The following CACNA2D1 variants were observed in gnomAD, a reference collection of about 807,000 sequenced individuals.
The protein encoded by CACNA2D1 is calcium voltage-gated channel auxiliary subunit alpha2delta 1.
Under a neutral mutation model 171.5 loss-of-function variants are expected in CACNA2D1, and 53 were observed. The observed-to-expected ratio is 0.31, with a 90% CI of 0.25 to 0.39. CACNA2D1 has a LOEUF of 0.39. CACNA2D1 is among the 10% of genes least tolerant of loss of function. The probability of loss-of-function intolerance (pLI) is 1.00; values close to 1 mark genes in which losing one functional copy is unlikely to be tolerated. For synonymous variants in CACNA2D1, 442 were observed against 443.1 expected, an observed-to-expected ratio of 1.00 and a Z score of 0.03; for missense variants, 903 against 1,299.8, an observed-to-expected ratio of 0.69 and a Z score of 4.69.
intron 7 of CACNA2D1, among the ~76,000 whole-genome samples, chr7:82,070,488 T>TC (rs1462736857): frequency 6.6e-6 from 1 of 152,198 alleles, no homozygotes; most frequent in Non-Finnish European, 1.5e-5. Context: ...TAGATTCTGC[T>TC]CCAGGCAGTT....
intron 1 of CACNA2D1, among the ~76,000 whole-genome samples, chr7:82,429,853 A>G (rs1829523744): frequency 6.6e-6 from 1 of 152,170 alleles, no homozygotes; most frequent in African/African-American, 2.4e-5. Flanking sequence ...CTACACTTAT[A>G]TCGACAGGAA....
chr7:82,120,209 G>A (rs1348042549), intron 5 of CACNA2D1, among the ~76,000 whole-genome samples: 1 of 152,088 alleles, frequency 6.6e-6, no homozygotes, highest in South Asian at 2.1e-4. Context: ...GTGTGTGTGT[G>A]CATGTGTGTA....
chr7:82,414,866 A>T (rs2129455888), intron 1 of CACNA2D1, among the ~76,000 whole-genome samples: 1 of 152,344 alleles, frequency 6.6e-6, no homozygotes, highest in Admixed American at 6.5e-5. Context: ...CTACTCATTC[A>T]TACTTATAAT....
chr7:82,427,084 T>C (rs781192122), intron 1 of CACNA2D1, among the ~76,000 whole-genome samples: 5 of 152,184 alleles, frequency 3.3e-5, no homozygotes, highest in Non-Finnish European at 7.3e-5. Context: ...AGGCATCCAC[T>C]GGGGGGTCTG....
At chr7:82,177,207 C>T (rs1363752756) in intron 3 of CACNA2D1, among the ~76,000 whole-genome samples, 1 of 151,028 alleles carries the variant, frequency 6.6e-6, no homozygotes, top group Non-Finnish European at 1.5e-5. Context: ...TGCTTTATAA[C>T]TTTATGTAAG....
chr7:82,113,231 T>C (rs1310255340), intron 6 of CACNA2D1, among the ~76,000 whole-genome samples: 1 of 152,128 alleles, frequency 6.6e-6, no homozygotes, highest in Non-Finnish European at 1.5e-5. Context: ...CAAATTTCCA[T>C]TTAAAATAAT....
At chr7:82,080,116 T>C (rs1809555015) in intron 7 of CACNA2D1, among the ~76,000 whole-genome samples, 1 of 144,282 alleles carries the variant, frequency 6.9e-6, no homozygotes, top group Admixed American at 7.1e-5. Context: ...TATATACATA[T>C]ATGTACACCT....
chr7:82,441,012 T>C (rs574345953), intron 1 of CACNA2D1, among the ~76,000 whole-genome samples: 1 of 151,536 alleles, frequency 6.6e-6, no homozygotes, highest in Non-Finnish European at 1.5e-5. Context: ...CCGAGAGAAA[T>C]TTACATACAG....
At chr7:82,161,295 T>A (rs1794924067) in intron 4 of CACNA2D1, among the ~76,000 whole-genome samples, 1 of 152,064 alleles carries the variant, frequency 6.6e-6, no homozygotes, top group Admixed American at 6.6e-5. Context: ...CCCCCATGGT[T>A]TTCTTTGATT....
At chr7:81,965,463 C>T in intron 32 of CACNA2D1, 131 bp downstream of exon 32, 1 of 703,364 alleles carries the variant, frequency 1.4e-6, no homozygotes, top group Non-Finnish European at 2.6e-6. Context: ...TAACATTAAG[C>T]ATTTTACAAA....
At chr7:82,362,890 T>C (rs920619834) in intron 1 of CACNA2D1, among the ~76,000 whole-genome samples, 2 of 152,192 alleles carry the variant, frequency 1.3e-5, no homozygotes, top group African/African-American at 4.8e-5. Context: ...ATGGTAATTC[T>C]CTCAAATACT....
chr7:82,221,212 T>C (rs1046922137), intron 3 of CACNA2D1, among the ~76,000 whole-genome samples: 7 of 152,202 alleles, frequency 4.6e-5, no homozygotes, highest in African/African-American at 1.7e-4. Flanking sequence ...CACACATGCA[T>C]GATTTGTACT....
intron 3 of CACNA2D1, among the ~76,000 whole-genome samples, chr7:82,299,754 T>C (rs1268964854): frequency 6.6e-6 from 1 of 152,040 alleles, no homozygotes; most frequent in Non-Finnish European, 1.5e-5. Flanking sequence ...TTTTATTATA[T>C]GAGTAGCAAT....
At chr7:82,204,530 T>C (rs1799815455) in intron 3 of CACNA2D1, among the ~76,000 whole-genome samples, 1 of 152,108 alleles carries the variant, frequency 6.6e-6, no homozygotes. Context: ...CATGGGGTGG[T>C]TGCCTGCCAT....
chr7:82,380,610 A>C, intron 1 of CACNA2D1, among the ~76,000 whole-genome samples: 1 of 152,094 alleles, frequency 6.6e-6, no homozygotes, highest in East Asian at 1.9e-4. Flanking sequence ...ATATATAATT[A>C]AAATTTATAT....
chr7:82,205,184 G>T (rs1799886261), intron 3 of CACNA2D1, among the ~76,000 whole-genome samples: 1 of 151,994 alleles, frequency 6.6e-6, no homozygotes, highest in Admixed American at 6.6e-5. Flanking sequence ...CACTCCCCTT[G>T]GTCCTTAGCT....
At chr7:82,439,208 G>A (rs1043603514) in intron 1 of CACNA2D1, among the ~76,000 whole-genome samples, 2 of 152,074 alleles carry the variant, frequency 1.3e-5, no homozygotes, top group South Asian at 2.1e-4. Context: ...GAGCACTATT[G>A]TAAAAATTAT....
At chr7:82,244,225 T>G (rs915678165) in intron 3 of CACNA2D1, among the ~76,000 whole-genome samples, 9 of 152,010 alleles carry the variant, frequency 5.9e-5, no homozygotes, top group African/African-American at 2.2e-4. Flanking sequence ...ATACTTCATA[T>G]GTAGCTTCAT....
chr7:82,123,234 C>T (rs1249538880), intron 5 of CACNA2D1, among the ~76,000 whole-genome samples: 1 of 152,116 alleles, frequency 6.6e-6, no homozygotes, highest in Non-Finnish European at 1.5e-5. Context: ...TAGTTTCTCC[C>T]CCCAGTGATT....
Sources: allele counts gnomAD v4.1 joint callset (sites outside exome capture counted in the v4.1 genomes callset), GRCh38; gene constraint gnomAD v4.1.1; transcripts MANE v1.5; gene names NCBI Gene and HGNC (gene_info 2026-07-23, HGNC 2026-07-21).